POLR1D: variants seen among roughly 807,000 people sequenced by gnomAD.
POLR1D encodes the protein DNA-directed RNA polymerases I and III subunit RPAC2.
In POLR1D, 8 loss-of-function variants were observed where a neutral mutation model predicts 10.8. That is an observed-to-expected ratio of 0.74 (90% CI 0.43 to 1.33). POLR1D has a LOEUF of 1.33. Ranked by LOEUF, POLR1D falls within the 40% of genes most tolerant of loss-of-function variation. The pLI, the probability that POLR1D is intolerant of heterozygous loss-of-function variation, is 0.01. For missense variants in POLR1D, 152 were observed against 161.7 expected (o/e 0.94, Z 0.32); for synonymous variants, 54 against 57.2 (o/e 0.94, Z 0.25).
At chr13:27,632,641 A>ACCCCCCCCCCCCC (rs11378549) in intron 1 of POLR1D, among the ~76,000 whole-genome samples, 3 of 145,150 alleles carry the variant, frequency 2.1e-5, no homozygotes, top group South Asian at 2.2e-4. Flanking sequence ...AAATTGCAGC[A>ACCCCCCCCCCCCC]CCCCCCGCCC....
chr13:27,645,116 CTT>C (rs1214389482), intron 1 of POLR1D, among the ~76,000 whole-genome samples: 1 of 152,168 alleles, frequency 6.6e-6, no homozygotes, highest in Non-Finnish European at 1.5e-5. Flanking sequence ...ATGCAGGAGA[CTT>C]TTGGGTGGGA....
chr13:27,628,440 A>G (rs57554362), downstream of POLR1D, among the ~76,000 whole-genome samples: 2,405 of 152,336 alleles, frequency 0.016, 52 homozygotes, highest in African/African-American at 0.053. Context: ...TAATGATGAC[A>G]AGGAGAAAAC....
chr13:27,651,381 A>C (rs1956266875), intron 2 of POLR1D: 1 of 152,208 alleles, frequency 6.6e-6, no homozygotes, highest in Non-Finnish European at 1.5e-5. Context: ...TATCCAAACT[A>C]ACTGTAAAAA....
chr13:27,645,123 G>T (rs1185797048), intron 1 of POLR1D, among the ~76,000 whole-genome samples: 4 of 152,202 alleles, frequency 2.6e-5, no homozygotes, highest in Non-Finnish European at 5.9e-5. Flanking sequence ...AGACTTTTGG[G>T]TGGGAAGTAG....
chr13:27,625,459 A>G (rs1214413818), downstream of POLR1D, among the ~76,000 whole-genome samples: 1 of 152,184 alleles, frequency 6.6e-6, no homozygotes, highest in Non-Finnish European at 1.5e-5. Context: ...AAAGATGACT[A>G]CTGCCTAGCT....
chr13:27,658,799 AG>A (rs1261703246), intron 2 of POLR1D, among the ~76,000 whole-genome samples: 5 of 152,202 alleles, frequency 3.3e-5, no homozygotes, highest in Admixed American at 1.3e-4. Flanking sequence ...GGAATTTATA[AG>A]CATAAATTTC....
chr13:27,667,075 A>G (rs1017975843), exon 3 of POLR1D: 1 of 152,188 alleles, frequency 6.6e-6, no homozygotes, highest in African/African-American at 2.4e-5. Flanking sequence ...TTAGCATTGG[A>G]GTGTTAGAAA....
At chr13:27,622,831 C>T (rs982913005) in intron 1 of POLR1D, 44 bp from the exon 2 acceptor site, 22 of 1,292,398 alleles carry the variant, frequency 1.7e-5, no homozygotes, top group Non-Finnish European at 2.3e-5. Flanking sequence ...AGTTACAAAA[C>T]AATATTCAGT....
chr13:27,645,345 G>A (rs1485091522), intron 1 of POLR1D, among the ~76,000 whole-genome samples: 2 of 152,116 alleles, frequency 1.3e-5, no homozygotes, highest in East Asian at 3.9e-4. Flanking sequence ...GGAGGAGATA[G>A]TCTAATAGAA....
At position 27,622,237 on chromosome 13, in the gene POLR1D, C is replaced by T; in HGVS notation, c.26+228C>T. Reference sequence around the variant, plus strand: ...GGGAGACCAGAGTTAAGTATCCGAACTGCCCACCCCCGTTACAACAGCAGT... The same window carrying T: ...GGGAGACCAGAGTTAAGTATCCGAATTGCCCACCCCCGTTACAACAGCAGT... On this transcript the variant is annotated intron_variant, in intron 1 of 1. Transcript: ENST00000302979. 3 of 598,440 alleles carry T rather than the reference C, an allele frequency of 5.0e-6. No individual in the cohort carries two copies. The South Asian group carries it at 5.9e-5, about 12-fold the overall frequency. 37.1% of individuals were successfully genotyped at this position (598,440 alleles called of 1,614,324 possible).
intron 1 of POLR1D, among the ~76,000 whole-genome samples, chr13:27,629,507 C>G (rs145578642): frequency 1.3e-5 from 2 of 152,216 alleles, no homozygotes; most frequent in African/African-American, 4.8e-5. Flanking sequence ...GGTTTATATT[C>G]CTTCATGTGA....
chr13:27,657,269 C>A (rs1956316866), intron 2 of POLR1D, among the ~76,000 whole-genome samples: 1 of 152,164 alleles, frequency 6.6e-6, no homozygotes, highest in South Asian at 2.1e-4. Flanking sequence ...GTGGCTCACA[C>A]CAGTAATCCT....
chr13:27,624,495 C>T (rs894557171), downstream of POLR1D, among the ~76,000 whole-genome samples: 3 of 152,102 alleles, frequency 2.0e-5, no homozygotes, highest in Admixed American at 1.3e-4. Flanking sequence ...AAAGAGATAT[C>T]CATATTTTTG....
downstream of POLR1D, among the ~76,000 whole-genome samples, chr13:27,627,937 G>A (rs917715031): frequency 2.6e-5 from 4 of 151,952 alleles, no homozygotes; most frequent in African/African-American, 9.7e-5. Context: ...TCTATAGAGG[G>A]GTAATAGAAG....
chr13:27,665,810 C>G, exon 3 of POLR1D: 1 of 1,614,188 alleles, frequency 6.2e-7, no homozygotes, highest in Non-Finnish European at 8.5e-7. Context: ...AGCGAAGAGC[C>G]AGGCCCAGAA....
chr13:27,644,624 C>G (rs889115639), intron 1 of POLR1D, among the ~76,000 whole-genome samples: 1 of 152,082 alleles, frequency 6.6e-6, no homozygotes, highest in Non-Finnish European at 1.5e-5. Context: ...ACTTAGTATT[C>G]TAATATAATT....
At chr13:27,643,767 CAT>C (rs1956196004) in intron 1 of POLR1D, among the ~76,000 whole-genome samples, 1 of 152,186 alleles carries the variant, frequency 6.6e-6, no homozygotes, top group Non-Finnish European at 1.5e-5. Flanking sequence ...CAAGTATAAA[CAT>C]GTTTGCCTTC....
rs182596417 is a variant in POLR1D at position 27,640,667 on chromosome 13, G to C, written c.27-7712G>C. Among the ~76,000 whole-genome samples the C allele has an allele frequency of 1.7e-3, 258 of 152,272 alleles. 1 individual carries two copies. Among genetic ancestry groups the C allele is most frequent in the African/African-American group, 6.0e-3 (249 of 41,538 alleles). On this transcript the variant is annotated intron_variant, in intron 1 of 2. Transcript: ENST00000399697. Reference sequence around the variant, plus strand: ...TCATATTACTCTTATATTTGTATATGTGTAGGTCTATGTGGAACATACAAG... The same window carrying C: ...TCATATTACTCTTATATTTGTATATCTGTAGGTCTATGTGGAACATACAAG...
rs148120104 is a variant in POLR1D, at chr13:27,632,698, CAT to C, written c.26+10692_26+10693del. ...TTTTTCTATAGCACTTATCTTCTAA[CAT>C]ATGAGATATATAATTTACCTTTTTA... is the stretch of plus-strand genomic sequence containing the variant. On this transcript the variant is annotated intron_variant, in intron 1 of 2. Transcript: ENST00000399697. Among the ~76,000 whole-genome samples, 440 of 139,060 alleles carry C rather than the reference CAT, an allele frequency of 3.2e-3. 3 individuals are homozygous for C. Among genetic ancestry groups the C allele is most frequent in the African/African-American group, 0.01 (405 of 39,524 alleles). The allele number at this position is 139,060 out of a possible 152,430, so 91.2% of individuals were successfully genotyped here.
Sources: gnomAD v4.1 joint callset for allele counts (sites outside exome capture counted in the v4.1 genomes callset) on GRCh38, gnomAD v4.1.1 for gene constraint, MANE v1.5 for transcripts, NCBI Gene and HGNC (gene_info 2026-07-23, HGNC 2026-07-21) for gene names.